Variants in LURAP1L observed in about 807,000 individuals in gnomAD.
LURAP1L encodes the protein leucine rich adaptor protein 1-like.
Under a neutral mutation model 13.8 loss-of-function variants are expected in LURAP1L, and 12 were observed. That is an observed-to-expected ratio of 0.87 (90% CI 0.56 to 1.41). The LOEUF (loss-of-function observed/expected upper bound fraction) is 1.41, where lower values mean the gene tolerates loss of function less well. LURAP1L is among the 40% of genes most tolerant of loss of function. The pLI, the probability that LURAP1L is intolerant of heterozygous loss-of-function variation, is 0.00. For synonymous variants in LURAP1L, 139 were observed against 119.2 expected (o/e 1.17, Z -1.08); for missense variants, 375 against 292.9 (o/e 1.28, Z -2.04).
At chr9:12,820,514 C>CCA (rs1554659926) in intron 1 of LURAP1L, among the ~76,000 whole-genome samples, 3 of 41,726 alleles carry the variant, frequency 7.2e-5, no homozygotes, top group South Asian at 1.1e-3. Context: ...CCCCCCCCCC[C>CCA]AAAAAAAAAA....
intron 1 of LURAP1L, chr9:12,790,492 A>G (rs1295178328): frequency 6.6e-6 from 1 of 152,160 alleles, no homozygotes; most frequent in African/African-American, 2.4e-5. Context: ...CTCACCAGCC[A>G]AACTCAGTCA....
chr9:12,813,215 G>A (rs571652532), intron 1 of LURAP1L, among the ~76,000 whole-genome samples: 24 of 152,132 alleles, frequency 1.6e-4, no homozygotes, highest in Admixed American at 1.2e-3. Flanking sequence ...TGAACTAGTT[G>A]CCAATCACAG....
intron 1 of LURAP1L, among the ~76,000 whole-genome samples, chr9:12,790,101 T>C (rs957877186): frequency 2.0e-5 from 3 of 152,132 alleles, no homozygotes; most frequent in African/African-American, 7.2e-5. Context: ...TGCAGTTAAG[T>C]CATGTTATTT....
chr9:12,818,130 TAAAA>T (rs35502818), intron 1 of LURAP1L, among the ~76,000 whole-genome samples: 52 of 119,062 alleles, frequency 4.4e-4, no homozygotes, highest in Admixed American at 8.0e-4. Flanking sequence ...TTGCTTCCAC[TAAAA>T]AAAAAAAAAA....
intron 1 of LURAP1L, among the ~76,000 whole-genome samples, chr9:12,779,876 T>C (rs1819245473): frequency 6.6e-6 from 1 of 152,212 alleles, no homozygotes; most frequent in Non-Finnish European, 1.5e-5. Flanking sequence ...ACACAGTCTC[T>C]GGCTTAGGAT....
intron 1 of LURAP1L, among the ~76,000 whole-genome samples, chr9:12,811,086 T>A (rs1394465821): frequency 6.6e-6 from 1 of 152,154 alleles, no homozygotes; most frequent in Non-Finnish European, 1.5e-5. Flanking sequence ...GGAAACTCAA[T>A]AAACCTAAGT....
intron 1 of LURAP1L, among the ~76,000 whole-genome samples, chr9:12,789,096 A>AAAAAG (rs954539767): frequency 1.3e-5 from 2 of 151,312 alleles, no homozygotes; most frequent in South Asian, 2.1e-4. Context: ...CCCCCAAAAA[A>AAAAAG]AAAAGAAAAG....
At chr9:12,787,396 T>C (rs1462678919) in intron 1 of LURAP1L, among the ~76,000 whole-genome samples, 1 of 152,182 alleles carries the variant, frequency 6.6e-6, no homozygotes, top group Admixed American at 6.5e-5. Flanking sequence ...TGCTGTGACT[T>C]TGAATAGATT....
At chr9:12,780,050 G>T (rs1819248150) in intron 1 of LURAP1L, among the ~76,000 whole-genome samples, 1 of 152,124 alleles carries the variant, frequency 6.6e-6, no homozygotes, top group Non-Finnish European at 1.5e-5. Context: ...AAGTTTTAGA[G>T]CTCAATAATA....
At chr9:12,777,365 T>C in intron 1 of LURAP1L, 2 of 985,356 alleles carry the variant, frequency 2.0e-6, no homozygotes, top group Non-Finnish European at 1.2e-6. Context: ...CAGACATACG[T>C]GTGGAGACTA....
In LURAP1L at chr9:12,776,039, G is replaced by A. The variant is rs764588878; in HGVS notation, c.312+12G>A. ...TCAGGCAAGAGATGGTGAGTGTGGT[G>A]CGCCAGCCGCGGGGGCTGGGACCTG... On this transcript the variant is annotated intron_variant, in intron 1 of 1. Transcript: ENST00000319264. 2.5e-5 allele frequency: 41 copies of A among 1,612,400 alleles called. No homozygotes were observed. The highest frequency in any genetic ancestry group is 3.5e-5 in the Non-Finnish European group (41 of 1,179,512).
At chr9:12,806,131 T>C (rs1422217940) in intron 1 of LURAP1L, among the ~76,000 whole-genome samples, 2 of 152,142 alleles carry the variant, frequency 1.3e-5, no homozygotes, top group African/African-American at 4.8e-5. Flanking sequence ...CAAAATATAA[T>C]TTTTTTAAAA....
chr9:12,790,118 A>T (rs1353319359), intron 1 of LURAP1L, among the ~76,000 whole-genome samples: 5 of 152,184 alleles, frequency 3.3e-5, no homozygotes, highest in African/African-American at 9.6e-5. Flanking sequence ...ATTTTAAAAA[A>T]ATATTTTTAA....
chr9:12,819,039 C>T (rs778613731), intron 1 of LURAP1L, among the ~76,000 whole-genome samples: 10 of 151,980 alleles, frequency 6.6e-5, no homozygotes, highest in African/African-American at 1.7e-4. Flanking sequence ...ATAGGGTGTG[C>T]GGAGGAATTT....
At chr9:12,806,466 T>TG (rs1819657547) in intron 1 of LURAP1L, among the ~76,000 whole-genome samples, 1 of 152,108 alleles carries the variant, frequency 6.6e-6, no homozygotes, top group South Asian at 2.1e-4. Flanking sequence ...TTCATAATGC[T>TG]GGGTCAATTC....
At chr9:12,813,746 A>G (rs560494983) in intron 1 of LURAP1L, among the ~76,000 whole-genome samples, 5 of 152,214 alleles carry the variant, frequency 3.3e-5, no homozygotes, top group Admixed American at 6.5e-5. Flanking sequence ...AAATTCCAAC[A>G]TAACCCATGC....
At position 12,775,715 on chromosome 9, in the gene LURAP1L, C is replaced by G; in HGVS notation, c.-1C>G. 1 of 1,568,096 alleles carries G rather than the reference C, an allele frequency of 6.4e-7. No individual in the cohort carries two copies. On this transcript the variant is annotated 5_prime_UTR_variant, in exon 1 of 2. Coordinates refer to ENST00000319264, the MANE Select transcript of LURAP1L (RefSeq NM_203403.2). Reference sequence around the variant, plus strand: ...ACTATTATCGCCGTTCCGGAAAAGTCATGGAAGACAGCCCGCTGCCAGACC... The same window carrying G: ...ACTATTATCGCCGTTCCGGAAAAGTGATGGAAGACAGCCCGCTGCCAGACC...
chr9:12,798,091 A>G (rs1233140394), intron 1 of LURAP1L, among the ~76,000 whole-genome samples: 1 of 152,184 alleles, frequency 6.6e-6, no homozygotes, highest in African/African-American at 2.4e-5. Flanking sequence ...TTTTATTTCT[A>G]GTTTACAATA....
intron 1 of LURAP1L, among the ~76,000 whole-genome samples, chr9:12,794,046 T>C (rs1477825482): frequency 1.3e-5 from 2 of 152,060 alleles, no homozygotes; most frequent in South Asian, 2.1e-4. Context: ...CATTAACCAT[T>C]AATTAAGCCT....
Sources: allele counts gnomAD v4.1 joint callset (sites outside exome capture counted in the v4.1 genomes callset), GRCh38; gene constraint gnomAD v4.1.1; transcripts MANE v1.5; gene names NCBI Gene and HGNC (gene_info 2026-07-23, HGNC 2026-07-21).